RTCB: variants seen among roughly 807,000 people sequenced by gnomAD.
The protein encoded by RTCB is RNA-splicing ligase RTCB.
RTCB carries 32 observed loss-of-function variants against 58.2 expected under a neutral mutation model. The ratio of observed to expected loss-of-function variants is 0.55; its 90% CI spans 0.41 to 0.74. The LOEUF is 0.74. RTCB is among the 30% of genes least tolerant of loss of function. RTCB has a pLI of 0.00. For missense variants in RTCB, 523 were observed against 639.0 expected, an observed-to-expected ratio of 0.82 and a Z score of 1.96; for synonymous variants, 247 against 218.6, an observed-to-expected ratio of 1.13 and a Z score of -1.15.
At chr22:32,402,118 G>A (rs1295696770) in intron 4 of RTCB, among the ~76,000 whole-genome samples, 4 of 152,118 alleles carry the variant, frequency 2.6e-5, no homozygotes, top group Non-Finnish European at 5.9e-5. Context: ...GACAAGGGAG[G>A]CAGCAATGAA....
Position 32,406,736 on chromosome 22 carries a change from T to A in RTCB, c.266A>T (p.His89Leu), listed in dbSNP as rs151022519. 1.2e-6 allele frequency: 2 copies of A among 1,611,614 alleles called. No individual in the cohort carries two copies. Among genetic ancestry groups the A allele is most frequent in the African/African-American group, 1.3e-5 (1 of 74,870 alleles). ...CCCAATAGCAAACCCATATCCTGAATGGACATCAGGAAGCCCAATAGATCG... is the reference window on the plus strand; with the variant it reads ...CCCAATAGCAAACCCATATCCTGAAAGGACATCAGGAAGCCCAATAGATCG... ...VHRSIGLPDV[H>L]SGYGFAIGNM... The change falls in exon 4 of 12, where the codon CAT becomes CTT. Residue 89 changes from histidine to leucine, a missense_variant. Coordinates refer to ENST00000216038, the MANE Select transcript of RTCB (RefSeq NM_014306.5).
intron 4 of RTCB, among the ~76,000 whole-genome samples, chr22:32,402,802 G>C (rs1260127718): frequency 1.3e-5 from 2 of 152,264 alleles, no homozygotes; most frequent in East Asian, 3.9e-4. Flanking sequence ...CTGAAGTGCA[G>C]TGGAGTAATC....
chr22:32,406,769 A>T lies in RTCB; in HGVS notation c.241-8T>A. On this transcript the variant is annotated splice_polypyrimidine_tract_variant and splice_region_variant and intron_variant, in intron 3 of 11. Coordinates refer to ENST00000216038, the MANE Select transcript of RTCB (RefSeq NM_014306.5). ...AGGAAGCCCAATAGATCGCTGAAAA[A>T]GAATTAGAAAATGAAATACAAGTGT... 1.3e-6 allele frequency: 2 copies of T among 1,595,246 alleles called. No individual in the cohort carries two copies. Among genetic ancestry groups the T allele is most frequent in the South Asian group, 2.2e-5 (2 of 90,716 alleles).
intron 6 of RTCB, among the ~76,000 whole-genome samples, chr22:32,398,617 A>G (rs1303576873): frequency 1.3e-5 from 2 of 152,156 alleles, no homozygotes; most frequent in Non-Finnish European, 2.9e-5. Context: ...TAAATAAATT[A>G]ATTTTTTAAA....
intron 6 of RTCB, among the ~76,000 whole-genome samples, chr22:32,399,264 G>A (rs1325567468): frequency 6.6e-6 from 1 of 151,858 alleles, no homozygotes; most frequent in Non-Finnish European, 1.5e-5. Context: ...AGCCTTCTGA[G>A]TAGCTGGGAT....
chr22:32,401,304 T>C (rs1409661532), intron 5 of RTCB, among the ~76,000 whole-genome samples: 5 of 151,864 alleles, frequency 3.3e-5, no homozygotes, highest in Non-Finnish European at 1.5e-5. Flanking sequence ...CCTAGGTTCA[T>C]CTTTTACTCC....
intron 11 of RTCB, among the ~76,000 whole-genome samples, chr22:32,390,971 C>T (rs1049479481): frequency 1.3e-5 from 2 of 152,028 alleles, no homozygotes; most frequent in Non-Finnish European, 2.9e-5. Context: ...CAGCTTCAGT[C>T]TCCTGAGTTG....
At chr22:32,394,455 A>G (rs566027114) in intron 9 of RTCB, among the ~76,000 whole-genome samples, 1 of 152,304 alleles carries the variant, frequency 6.6e-6, no homozygotes, top group South Asian at 2.1e-4. Context: ...AACTATATTA[A>G]GATAGTACTT....
intron 6 of RTCB, among the ~76,000 whole-genome samples, chr22:32,398,983 C>T (rs947896492): frequency 6.6e-6 from 1 of 152,074 alleles, no homozygotes; most frequent in Non-Finnish European, 1.5e-5. Flanking sequence ...AGTGGCAAAG[C>T]CTTCACAACT....
Position 32,400,459 on chromosome 22 carries a change from C to G in RTCB, c.498-700G>C, listed in dbSNP as rs1420276762. ...CCCAGATGACAGCCCATTTCACTAT[C>G]ATTATTTCATTTTGTTATTATTTTT... On this transcript the variant is annotated intron_variant, in intron 5 of 11. Coordinates refer to ENST00000216038, the MANE Select transcript of RTCB (RefSeq NM_014306.5). 3.3e-5 allele frequency among the ~76,000 whole-genome samples: 5 copies of G among 152,312 alleles called. No individual in the cohort carries two copies. The South Asian group carries it at 1.0e-3, about 32-fold the overall frequency.
Position 32,408,853 on chromosome 22 carries a change from A to G in RTCB, c.94-20T>C. 1.3e-6 allele frequency: 2 copies of G among 1,578,786 alleles called. No individual in the cohort carries two copies. The highest frequency in any genetic ancestry group is 1.7e-6 in the Non-Finnish European group (2 of 1,147,754). On this transcript the variant is annotated intron_variant, in intron 1 of 11. Transcript: ENST00000216038. ...TTCAACCTAGTACCAAGGAAAGTGA[A>G]AAGCAATGTCTGAGTACATGCGCGG...
At position 32,394,995 on chromosome 22, in the gene RTCB, T is replaced by A. The variant is rs1224018930; in HGVS notation, c.1179+31A>T. 11 of 1,569,472 alleles carry A rather than the reference T, an allele frequency of 7.0e-6. No individual in the cohort carries two copies. In the African/African-American group the frequency reaches 1.1e-4, roughly 15 times the overall value. On this transcript the variant is annotated intron_variant, in intron 9 of 11. Transcript: ENST00000216038. ...GCAACAATCTAAATCGTGCCCCCAC[T>A]GCTTAAAACTACAAACGTAGAGCTA...
At chr22:32,395,921 G>C (rs1477837130) in intron 8 of RTCB, among the ~76,000 whole-genome samples, 153 bp downstream of exon 8, 1 of 136,632 alleles carries the variant, frequency 7.3e-6, no homozygotes, top group Non-Finnish European at 1.5e-5. Context: ...GGATGGTCTG[G>C]ATCTCCTAAC....
chr22:32,401,603 C>T, intron 5 of RTCB, 144 bp downstream of exon 5: 1 of 862,338 alleles, frequency 1.2e-6, no homozygotes, highest in Non-Finnish European at 1.8e-6. Context: ...GGCTGTACCT[C>T]ATGCTTAAAA....
chr22:32,394,987 G>T, intron 9 of RTCB, 39 bp downstream of exon 9: 1 of 1,525,600 alleles, frequency 6.6e-7, no homozygotes, highest in Non-Finnish European at 9.0e-7. Flanking sequence ...TCTAAATCGT[G>T]CCCCCACTGC....
chr22:32,410,723 T>C (rs912737747), intron 1 of RTCB, among the ~76,000 whole-genome samples: 5 of 21,968 alleles, frequency 2.3e-4, no homozygotes, highest in Non-Finnish European at 4.0e-4. Context: ...TTTTCTTTTC[T>C]TTTTTTTTTT....
intron 9 of RTCB, 112 bp from the exon 10 acceptor site, chr22:32,394,114 C>CTTT (rs11396073): frequency 3.7e-3 from 1,918 of 514,284 alleles, no homozygotes; most frequent in Non-Finnish European, 5.1e-3. Context: ...ACCCAGACTT[C>CTTT]TTTTTTTTTT....
intron 11 of RTCB, among the ~76,000 whole-genome samples, chr22:32,388,682 G>C (rs144493870): frequency 5.3e-5 from 8 of 152,236 alleles, no homozygotes; most frequent in Non-Finnish European, 1.2e-4. Flanking sequence ...TACCCACACA[G>C]CCTTGCCACC....
chr22:32,402,969 T>A (rs558445214), intron 4 of RTCB, among the ~76,000 whole-genome samples: 20 of 152,250 alleles, frequency 1.3e-4, no homozygotes, highest in African/African-American at 4.8e-4. Flanking sequence ...AGTCTCAAAC[T>A]CCTGGGCTCA....
Sources: allele counts gnomAD v4.1 joint callset (sites outside exome capture counted in the v4.1 genomes callset), GRCh38; gene constraint gnomAD v4.1.1; transcripts MANE v1.5; gene names NCBI Gene and HGNC (gene_info 2026-07-23, HGNC 2026-07-21).